Variants in TREML2 observed in about 807,000 individuals in gnomAD.
TREML2 encodes the protein trem-like transcript 2 protein.
In TREML2, 24 loss-of-function variants were observed where a neutral mutation model predicts 25.9. The observed-to-expected ratio is 0.93, with a 90% CI of 0.67 to 1.30. TREML2 has a LOEUF of 1.30. Among genes scored for constraint, TREML2 ranks in the 50% most tolerant of loss-of-function variants. The pLI is 0.00. For synonymous variants in TREML2, 139 were observed against 155.2 expected (o/e 0.90, Z 0.77); for missense variants, 359 against 395.6 (o/e 0.91, Z 0.78).
chr6:41,194,760 G>C lies in TREML2; in HGVS notation c.450C>G (p.Gly150=). Residue 150 remains glycine (G), a synonymous_variant, in exon 3 of 5, where the codon GGC becomes GGG. Transcript: ENST00000483722. ...CATCAGGGCCTGAGGTAGGGGCTTG[G>C]CCAGTTGTGACAGTTCCACTCTTGA... ...NILKSGTVTT[G]QAPTSGPDAP... is the part of the protein sequence containing the mutation. The C allele has an allele frequency of 6.2e-7, 1 of 1,613,112 alleles. No homozygotes were observed. The highest frequency in any genetic ancestry group is 8.5e-7 in the Non-Finnish European group (1 of 1,179,450).
At chr6:41,197,351 T>C (rs181605694) in intron 2 of TREML2, among the ~76,000 whole-genome samples, 70 of 152,344 alleles carry the variant, frequency 4.6e-4, no homozygotes, top group Non-Finnish European at 8.8e-5. Context: ...GCTGCTTGAC[T>C]CTCCAACCTC....
At chr6:41,196,830 C>T (rs936877856) in intron 2 of TREML2, among the ~76,000 whole-genome samples, 6 of 152,254 alleles carry the variant, frequency 3.9e-5, no homozygotes, top group Non-Finnish European at 7.3e-5. Flanking sequence ...TCTGACCTCT[C>T]ACCCTAGCTC....
rs755301169 is a variant in TREML2, at chr6:41,198,448, T to C, written c.56-19A>G. On this transcript the variant is annotated intron_variant, in intron 1 of 4. Transcript: ENST00000483722. ...GAGGGGCCTGTGGAGACAATACTTA[T>C]TGAATAAGGTCTGGCAAGAGGAGAG... is the stretch of plus-strand genomic sequence containing the variant. 6 of 1,590,584 alleles carry C rather than the reference T, an allele frequency of 3.8e-6. No homozygotes were observed. Among genetic ancestry groups the C allele is most frequent in the Middle Eastern group, 1.7e-4 (1 of 5,982 alleles).
In TREML2 at chr6:41,192,373, C is replaced by T; in HGVS notation, c.*54G>A. 6.9e-7 allele frequency: 1 copy of T among 1,456,026 alleles called. No individual in the cohort carries two copies. Among genetic ancestry groups the T allele is most frequent in the Non-Finnish European group, 9.6e-7 (1 of 1,041,172 alleles). 90.2% of individuals were successfully genotyped at this position (1,456,026 alleles called of 1,614,324 possible). On this transcript the variant is annotated 3_prime_UTR_variant, in exon 5 of 5. Coordinates refer to ENST00000483722, the MANE Select transcript of TREML2 (RefSeq NM_024807.4). ...ACTGGCCCCAATCTTCACCCCTCCTCTAACCCCCTGGGGCCACTCTGGGAG... is the reference window on the plus strand; with the variant it reads ...ACTGGCCCCAATCTTCACCCCTCCTTTAACCCCCTGGGGCCACTCTGGGAG...
intron 2 of TREML2, among the ~76,000 whole-genome samples, chr6:41,197,348 G>A (rs754183857): frequency 2.0e-5 from 3 of 152,176 alleles, no homozygotes; most frequent in South Asian, 2.1e-4. Context: ...AGGGCTGCTT[G>A]ACTCTCCAAC....
In TREML2 at chr6:41,194,616, G is replaced by C. The variant is rs567985004; in HGVS notation, c.594C>G (p.Thr198=). The C allele has an allele frequency of 6.2e-7, 1 of 1,614,106 alleles. No homozygotes were observed. The highest frequency in any genetic ancestry group is 1.7e-5 in the Admixed American group (1 of 60,014). ...CCATGGTCCTCCTGGGTCCCTGGCT[G>C]GTGGTGCTGGTAGCAGTGAAGCTGT... is the stretch of plus-strand genomic sequence containing the variant. ...TGYSFTATST[T]SQGPRRTMGS... The change falls in exon 3 of 5, where the codon ACC becomes ACG. Residue 198 remains threonine (T), a synonymous_variant. Coordinates refer to ENST00000483722, the MANE Select transcript of TREML2 (RefSeq NM_024807.4).
In TREML2 at chr6:41,192,381, C is replaced by T; in HGVS notation, c.*46G>A. ...CAATCTTCACCCCTCCTCTAACCCC[C>T]TGGGGCCACTCTGGGAGAAGCTCCC... On this transcript the variant is annotated 3_prime_UTR_variant, in exon 5 of 5. Transcript: ENST00000483722. 1 of 1,521,390 alleles carries T rather than the reference C, an allele frequency of 6.6e-7. No individual in the cohort carries two copies. The highest frequency in any genetic ancestry group is 1.7e-5 in the Admixed American group (1 of 58,650). The allele number at this position is 1,521,390 out of a possible 1,614,324, so 94.2% of individuals were successfully genotyped here. A position where few individuals can be genotyped will look rare whatever the true frequency, so the allele number is the denominator to read the frequency against.
Position 41,192,469 on chromosome 6 carries a change from T to C in TREML2, c.924A>G (p.Pro308=), listed in dbSNP as rs750544987. Residue 308 remains proline (P), a synonymous_variant, in exon 5 of 5, where the codon CCA becomes CCG. Coordinates refer to ENST00000483722, the MANE Select transcript of TREML2 (RefSeq NM_024807.4). ...SMCSDPSTRD[P]PGRPEPYVEV... is the part of the protein sequence containing the mutation. ...CCACATAGGGCTCTGGTCTTCCAGGTGGGTCACGTGTAGAAGGATCGCTGC... is the reference window on the plus strand; with the variant it reads ...CCACATAGGGCTCTGGTCTTCCAGGCGGGTCACGTGTAGAAGGATCGCTGC... 1 of 1,614,002 alleles carries C rather than the reference T, an allele frequency of 6.2e-7. No individual in the cohort carries two copies. Among genetic ancestry groups the C allele is most frequent in the South Asian group, 1.1e-5 (1 of 91,068 alleles).
At position 41,194,550 on chromosome 6, in the gene TREML2, G is replaced by A. The variant is rs998309615; in HGVS notation, c.660C>T (p.Asp220=). The change falls in exon 3 of 5, where the codon GAC becomes GAT. Residue 220 remains aspartate, a synonymous_variant. Transcript: ENST00000483722. ...AGATGGATTCTGGGCCAGCAGAGGA[G>A]TCCCTGGCATTGCTGGGAGACGCGG... ...TVTASPSNAR[D]SSAGPESIST... is the part of the protein sequence containing the mutation. The A allele has an allele frequency of 1.2e-6, 2 of 1,613,942 alleles. No individual in the cohort carries two copies. The highest frequency in any genetic ancestry group is 4.5e-5 in the East Asian group (2 of 44,836).
intron 2 of TREML2, among the ~76,000 whole-genome samples, chr6:41,195,879 G>A (rs1456240588): frequency 3.9e-5 from 6 of 152,158 alleles, no homozygotes; most frequent in African/African-American, 1.2e-4. Context: ...AACACACTAA[G>A]AGGGCCAAGA....
rs544237372 is a variant in TREML2, at chr6:41,190,906, G to T, written c.*1521C>A. On this transcript the variant is annotated 3_prime_UTR_variant, in exon 5 of 5. Transcript: ENST00000483722. ...GTCTGTCTGTCCTGGGTCCAGAGCCGTCAATTCTTCAGCCTCAGTCTTCCC... is the reference window on the plus strand; with the variant it reads ...GTCTGTCTGTCCTGGGTCCAGAGCCTTCAATTCTTCAGCCTCAGTCTTCCC... 1 of 152,050 alleles carries T rather than the reference G, an allele frequency of 6.6e-6. No individual in the cohort carries two copies. Among genetic ancestry groups the T allele is most frequent in the African/African-American group, 2.4e-5 (1 of 41,192 alleles). The allele number at this position is 152,050 out of a possible 1,614,324, so 9.4% of individuals were successfully genotyped here.
intron 1 of TREML2, among the ~76,000 whole-genome samples, chr6:41,199,575 C>A (rs1375782784): frequency 6.6e-6 from 1 of 152,160 alleles, no homozygotes; most frequent in African/African-American, 2.4e-5. Flanking sequence ...CTGGTAGAGA[C>A]AGAGCAGAAC....
At chr6:41,199,459 A>G (rs1331497093) in intron 1 of TREML2, among the ~76,000 whole-genome samples, 2 of 152,242 alleles carry the variant, frequency 1.3e-5, no homozygotes, top group Non-Finnish European at 2.9e-5. Context: ...CAAACTCCCA[A>G]TGGAGTGTGA....
chr6:41,194,197 GC>G (rs1451956265), intron 3 of TREML2, among the ~76,000 whole-genome samples: 2 of 20,336 alleles, frequency 9.8e-5, no homozygotes, highest in Non-Finnish European at 1.8e-4. Flanking sequence ...CCTTTCCCCT[GC>G]CCCTCCTCCC....
intron 4 of TREML2, 137 bp downstream of exon 4, chr6:41,192,663 TC>T: frequency 8.9e-7 from 1 of 1,127,740 alleles, no homozygotes; most frequent in Non-Finnish European, 1.3e-6. Context: ...GCCGCCCTCC[TC>T]CCCAGGTGGA....
In TREML2 at chr6:41,198,184, C is replaced by T. The variant is rs751665097; in HGVS notation, c.301G>A (p.Gly101Ser). Residue 101 changes from glycine (G) to serine (S), a missense_variant, in exon 2 of 5, where the codon GGC (glycine) becomes AGC (serine). By Grantham distance (56) the Gly-to-Ser change is moderately conservative (BLOSUM62 0). Transcript: ENST00000483722. ...GTGTTGCGCATGCACCAGTATCGGC[C>T]TGAGTCCTGGAGCTTGAGGGCCACC... is the stretch of plus-strand genomic sequence containing the variant. ...TMVALKLQDS[G>S]RYWCMRNTSG... The T allele has an allele frequency of 2.5e-6, 4 of 1,614,236 alleles. No individual in the cohort carries two copies. The highest frequency in any genetic ancestry group is 3.4e-6 in the Non-Finnish European group (4 of 1,180,044).
intron 3 of TREML2, among the ~76,000 whole-genome samples, 185 bp from the exon 4 acceptor site, chr6:41,193,086 C>T (rs1305190640): frequency 1.3e-5 from 2 of 152,160 alleles, no homozygotes; most frequent in African/African-American, 4.8e-5. Context: ...GAGGACGTCC[C>T]CAGGTAGAGG....
intron 4 of TREML2, 130 bp from the exon 5 acceptor site, chr6:41,192,636 T>G: frequency 8.5e-7 from 1 of 1,180,182 alleles, no homozygotes; most frequent in Non-Finnish European, 1.2e-6. Flanking sequence ...AGGGTTGTGC[T>G]GGGTGGTCTC....
At chr6:41,194,881 T>C (rs1766134032) in intron 2 of TREML2, 48 bp from the exon 3 acceptor site, 5 of 1,520,564 alleles carry the variant, frequency 3.3e-6, no homozygotes, top group Non-Finnish European at 3.5e-6. Flanking sequence ...GGTGCCTCAG[T>C]GCTGGGAGCA....
Sources: allele counts gnomAD v4.1 joint callset (sites outside exome capture counted in the v4.1 genomes callset), GRCh38; gene constraint gnomAD v4.1.1; transcripts MANE v1.5; gene names NCBI Gene and HGNC (gene_info 2026-07-23, HGNC 2026-07-21).